The following NLGN1 variants were observed in gnomAD, a reference collection of about 807,000 sequenced individuals.
The protein encoded by NLGN1 is neuroligin-1.
In NLGN1, 12 loss-of-function variants were observed where a neutral mutation model predicts 65.5. That is an observed-to-expected ratio of 0.18 (90% CI 0.12 to 0.30). NLGN1 has a LOEUF of 0.30. NLGN1 is among the 10% of genes least tolerant of loss of function. The probability of loss-of-function intolerance (pLI) is 1.00; values close to 1 mark genes in which losing one functional copy is unlikely to be tolerated. For synonymous variants in NLGN1, 350 were observed against 359.5 expected (o/e 0.97, Z 0.30); for missense variants, 750 against 1,007.1 (o/e 0.74, Z 3.46).
At chr3:173,896,154 G>A (rs1447917373) in intron 4 of NLGN1, among the ~76,000 whole-genome samples, 1 of 152,080 alleles carries the variant, frequency 6.6e-6, no homozygotes, top group East Asian at 1.9e-4. Context: ...CTTGATTTTG[G>A]CCTCTAGTAG....
chr3:173,998,763 G>A (rs1009208717), intron 4 of NLGN1, among the ~76,000 whole-genome samples: 2 of 152,120 alleles, frequency 1.3e-5, no homozygotes, highest in South Asian at 2.1e-4. Context: ...CTCCTTTCAG[G>A]ATACCAGTGG....
intron 2 of NLGN1, among the ~76,000 whole-genome samples, chr3:173,482,283 CT>C (rs1384651738): frequency 1.3e-5 from 2 of 151,844 alleles, no homozygotes; most frequent in African/African-American, 4.8e-5. Context: ...TACATTTCTC[CT>C]TTATATGTGT....
At chr3:173,630,847 A>G (rs1403561116) in intron 3 of NLGN1, among the ~76,000 whole-genome samples, 4 of 152,156 alleles carry the variant, frequency 2.6e-5, no homozygotes, top group African/African-American at 4.8e-5. Flanking sequence ...GCGTATGCAA[A>G]TATTAGAGTT....
intron 4 of NLGN1, among the ~76,000 whole-genome samples, chr3:174,236,615 C>T (rs1741765174): frequency 6.6e-6 from 1 of 152,010 alleles, no homozygotes; most frequent in Admixed American, 6.6e-5. Context: ...TGCTTTGAGT[C>T]TGTGTTTACT....
At chr3:173,639,410 T>C (rs977537804) in intron 3 of NLGN1, among the ~76,000 whole-genome samples, 14 of 152,164 alleles carry the variant, frequency 9.2e-5, no homozygotes, top group Admixed American at 7.8e-4. Context: ...CTGGGAGAAC[T>C]GGGCCAGACC....
chr3:174,035,514 G>A (rs1730939053), intron 4 of NLGN1, among the ~76,000 whole-genome samples: 2 of 152,162 alleles, frequency 1.3e-5, no homozygotes, highest in African/African-American at 4.8e-5. Flanking sequence ...TGTAATCCTG[G>A]TGGCAGTTTC....
intron 3 of NLGN1, among the ~76,000 whole-genome samples, chr3:173,696,654 C>T (rs1027609634): frequency 2.0e-5 from 3 of 152,184 alleles, no homozygotes; most frequent in African/African-American, 7.2e-5. Flanking sequence ...CTTCTTTTCT[C>T]TCCTTCACCT....
chr3:173,607,706 A>G (rs1287712823), intron 3 of NLGN1, among the ~76,000 whole-genome samples: 1 of 151,602 alleles, frequency 6.6e-6, no homozygotes, highest in East Asian at 1.9e-4. Flanking sequence ...GTTTATATAT[A>G]TACTAATATA....
chr3:174,288,612 TG>T (rs1752396906), downstream of NLGN1, among the ~76,000 whole-genome samples: 1 of 151,512 alleles, frequency 6.6e-6, no homozygotes, highest in African/African-American at 2.4e-5. Flanking sequence ...AAATCCCACT[TG>T]AAATACAAAA....
chr3:173,929,412 T>G (rs1185405134), intron 4 of NLGN1, among the ~76,000 whole-genome samples: 1 of 152,176 alleles, frequency 6.6e-6, no homozygotes, highest in African/African-American at 2.4e-5. Flanking sequence ...TTAAAGAAAT[T>G]CAAAGGATAT....
intron 4 of NLGN1, among the ~76,000 whole-genome samples, chr3:174,164,319 C>G (rs1727120055): frequency 6.6e-6 from 1 of 151,904 alleles, no homozygotes; most frequent in Non-Finnish European, 1.5e-5. Flanking sequence ...GTTTAAGTTC[C>G]TGGATATTAG....
intron 3 of NLGN1, among the ~76,000 whole-genome samples, chr3:173,625,103 A>G (rs575004023): frequency 6.6e-6 from 1 of 152,240 alleles, no homozygotes; most frequent in South Asian, 2.1e-4. Flanking sequence ...AATACATTTA[A>G]ACAGTACTTA....
chr3:173,568,208 C>CTTTCCTTTTCCTTTCCTTTCCT (rs1744023378), intron 2 of NLGN1, among the ~76,000 whole-genome samples: 1 of 142,502 alleles, frequency 7.0e-6, no homozygotes, highest in African/African-American at 2.6e-5. Context: ...CTTTCCTTTC[C>CTTTCCTTTTCCTTTCCTTTCCT]TTTCCTTTTC....
intron 1 of NLGN1, among the ~76,000 whole-genome samples, chr3:173,408,927 AG>A (rs1031911410): frequency 4.1e-5 from 6 of 145,568 alleles, no homozygotes; most frequent in Non-Finnish European, 7.6e-5. Flanking sequence ...AAAAAAAAAA[AG>A]AATAGGTGCA....
At chr3:174,077,200 C>A (rs1741198073) in intron 4 of NLGN1, among the ~76,000 whole-genome samples, 1 of 151,314 alleles carries the variant, frequency 6.6e-6, no homozygotes, top group Admixed American at 6.6e-5. Flanking sequence ...AAAAAAAAAA[C>A]CTATTCCCAC....
Position 173,668,904 on chromosome 3 carries a change from G to A in NLGN1, c.493+63813G>A, listed in dbSNP as rs1260210949. On this transcript the variant is annotated intron_variant, in intron 3 of 6. Coordinates refer to ENST00000457714, the Ensembl canonical transcript of NLGN1. ...CTCCCAAAGTGCTGGGATTACAGGC[G>A]TGAGCCACTGCACCAGGCCAGTTTC... is the stretch of plus-strand genomic sequence containing the variant. 3.9e-5 allele frequency among the ~76,000 whole-genome samples: 6 copies of A among 152,180 alleles called. No homozygotes were observed. The East Asian group carries it at 7.8e-4, about 20-fold the overall frequency.
At chr3:173,696,454 A>G (rs913574373) in intron 3 of NLGN1, among the ~76,000 whole-genome samples, 6 of 152,180 alleles carry the variant, frequency 3.9e-5, no homozygotes, top group African/African-American at 1.4e-4. Flanking sequence ...AACCTTGAAA[A>G]GGGACTATGA....
At chr3:173,804,753 A>C (rs1336420040) in intron 3 of NLGN1, among the ~76,000 whole-genome samples, 1 of 151,972 alleles carries the variant, frequency 6.6e-6, no homozygotes, top group Non-Finnish European at 1.5e-5. Context: ...CTGGCCAGGC[A>C]TGGTGGCTCA....
At chr3:173,695,492 T>C in intron 3 of NLGN1, 1 of 279,158 alleles carries the variant, frequency 3.6e-6, no homozygotes, top group Non-Finnish European at 7.1e-6. Context: ...TCTGAGTCAT[T>C]AATAAAATTT....
Sources: gnomAD v4.1 joint callset for allele counts (sites outside exome capture counted in the v4.1 genomes callset) on GRCh38, gnomAD v4.1.1 for gene constraint, MANE v1.5 for transcripts, NCBI Gene and HGNC (gene_info 2026-07-23, HGNC 2026-07-21) for gene names.